The following SYT1 variants were observed in gnomAD, a reference collection of about 807,000 sequenced individuals.
SYT1 encodes synaptotagmin 1.
In SYT1, 8 loss-of-function variants were observed where a neutral mutation model predicts 44.8. The observed-to-expected ratio is 0.18, with a 90% CI of 0.10 to 0.32. SYT1 has a LOEUF of 0.32. Ranked by LOEUF, SYT1 falls within the 10% of genes least tolerant of loss-of-function variation. SYT1 has a pLI of 1.00. For missense variants in SYT1, 286 were observed against 509.3 expected (o/e 0.56, Z 4.22); for synonymous variants, 154 against 188.8 (o/e 0.82, Z 1.51).
At chr12:78,985,376 A>G (rs763857720) in intron 2 of SYT1, among the ~76,000 whole-genome samples, 1 of 151,922 alleles carries the variant, frequency 6.6e-6, no homozygotes, top group Non-Finnish European at 1.5e-5. Context: ...GGGAGAATCT[A>G]AGAAAGAAGA....
chr12:79,275,652 G>A (rs1219133349), intron 4 of SYT1, among the ~76,000 whole-genome samples: 1 of 152,138 alleles, frequency 6.6e-6, no homozygotes, highest in Non-Finnish European at 1.5e-5. Context: ...ATTTCGCTGG[G>A]AGCTCCTCCA....
intron 3 of SYT1, among the ~76,000 whole-genome samples, chr12:79,214,951 G>A (rs868140848): frequency 7.8e-6 from 1 of 128,936 alleles, no homozygotes; most frequent in Non-Finnish European, 1.8e-5. Context: ...ATGTGTGTGT[G>A]TGTGTGTGTG....
chr12:78,974,780 T>A (rs1354035416), intron 1 of SYT1, among the ~76,000 whole-genome samples: 2 of 152,114 alleles, frequency 1.3e-5, no homozygotes, highest in Non-Finnish European at 2.9e-5. Flanking sequence ...TTCCTGAGAA[T>A]AGGTACAAGA....
Position 79,299,690 on chromosome 12 carries a change from G to T in SYT1, c.810+139G>T, listed in dbSNP as rs1018304472. 2.9e-6 allele frequency: 3 copies of T among 1,019,228 alleles called. No homozygotes were observed. In the Admixed American group the frequency reaches 9.0e-5, roughly 30 times the overall value. The allele number at this position is 1,019,228 out of a possible 1,614,324, so 63.1% of individuals were successfully genotyped here. A position where few individuals can be genotyped will look rare whatever the true frequency, so the allele number is the denominator to read the frequency against. ...TGACAGCTGATAAAATAGGGTCAAG[G>T]GCACTGCACCACCTCGTTAAAAAGT... On this transcript the variant is annotated intron_variant, in intron 8 of 10. Coordinates refer to ENST00000261205, the MANE Select transcript of SYT1 (RefSeq NM_005639.3).
intron 9 of SYT1, among the ~76,000 whole-genome samples, chr12:79,377,470 T>C (rs1304040253): frequency 3.3e-5 from 5 of 152,242 alleles, no homozygotes; most frequent in Admixed American, 2.6e-4. Flanking sequence ...TATGTGTTGG[T>C]AATTGTGGCC....
At chr12:79,189,859 G>A (rs770321584) in intron 3 of SYT1, among the ~76,000 whole-genome samples, 39 of 152,236 alleles carry the variant, frequency 2.6e-4, no homozygotes, top group Non-Finnish European at 1.6e-4. Context: ...AGCTGAGATC[G>A]TGCCACTGCA....
At chr12:79,145,083 T>C (rs1156582639) in intron 3 of SYT1, among the ~76,000 whole-genome samples, 1 of 152,218 alleles carries the variant, frequency 6.6e-6, no homozygotes, top group Non-Finnish European at 1.5e-5. Flanking sequence ...TATTGGAATA[T>C]TAATGAGGAT....
chr12:78,932,983 A>C (rs144878197), intron 1 of SYT1, among the ~76,000 whole-genome samples: 61 of 152,312 alleles, frequency 4.0e-4, no homozygotes, highest in African/African-American at 1.4e-3. Context: ...ATATCACCTT[A>C]AGACGTCCAA....
intron 3 of SYT1, among the ~76,000 whole-genome samples, chr12:79,180,538 C>T (rs1393089446): frequency 6.6e-6 from 1 of 151,708 alleles, no homozygotes; most frequent in African/African-American, 2.4e-5. Context: ...GTACAGATAG[C>T]ATAATGCTGG....
At chr12:78,973,758 G>A (rs367858582) in intron 1 of SYT1, among the ~76,000 whole-genome samples, 2 of 149,902 alleles carry the variant, frequency 1.3e-5, no homozygotes, top group African/African-American at 2.5e-5. Context: ...AAAATAATGC[G>A]TTTGTTTACT....
rs115543153 is a variant in SYT1 at position 78,908,022 on chromosome 12, G to C, written c.-217+42913G>C. 1.4e-3 allele frequency among the ~76,000 whole-genome samples: 216 copies of C among 152,086 alleles called. 1 individual carries two copies. Among genetic ancestry groups the C allele is most frequent in the African/African-American group, 5.0e-3 (206 of 41,530 alleles). On this transcript the variant is annotated intron_variant, in intron 1 of 10. Coordinates refer to ENST00000261205, the MANE Select transcript of SYT1 (RefSeq NM_005639.3). ...CAGCAGCCGTGTGATCACACTGAAA[G>C]TATGCAAATTTTGGTTTTGCCTAAA...
intron 1 of SYT1, among the ~76,000 whole-genome samples, chr12:78,879,605 T>A (rs1874349277): frequency 6.6e-6 from 1 of 151,802 alleles, no homozygotes; most frequent in Non-Finnish European, 1.5e-5. Flanking sequence ...ATGTCTCTCA[T>A]TTTTAATCTC....
At chr12:79,173,226 G>C (rs1295509448) in intron 3 of SYT1, among the ~76,000 whole-genome samples, 1 of 151,948 alleles carries the variant, frequency 6.6e-6, no homozygotes, top group Non-Finnish European at 1.5e-5. Flanking sequence ...CTTGAATTGA[G>C]CTTACAATTC....
intron 3 of SYT1, among the ~76,000 whole-genome samples, chr12:79,196,791 T>A (rs1873490655): frequency 6.6e-6 from 1 of 152,190 alleles, no homozygotes; most frequent in South Asian, 2.1e-4. Context: ...AACAATTAGT[T>A]CCAGTTTCTA....
At chr12:79,361,046 C>A (rs566087980) in intron 9 of SYT1, among the ~76,000 whole-genome samples, 1 of 152,236 alleles carries the variant, frequency 6.6e-6, no homozygotes, top group Admixed American at 6.5e-5. Flanking sequence ...CCAAAAACTC[C>A]TAAGTAGATT....
At chr12:79,286,017 T>C (rs993860850) in intron 5 of SYT1, 46 bp downstream of exon 5, 14 of 1,546,246 alleles carry the variant, frequency 9.1e-6, no homozygotes, top group Middle Eastern at 2.3e-4. Flanking sequence ...TTAAAAAAGA[T>C]AAACAAATGT....
At chr12:79,419,117 A>C (rs1182401641) in intron 9 of SYT1, 1 of 376,800 alleles carries the variant, frequency 2.7e-6, no homozygotes, top group Non-Finnish European at 5.2e-6. Flanking sequence ...TATTTTAGGC[A>C]AAACGAAACC....
intron 8 of SYT1, among the ~76,000 whole-genome samples, chr12:79,338,055 C>T (rs922170809): frequency 3.3e-5 from 5 of 152,080 alleles, no homozygotes; most frequent in Admixed American, 2.0e-4. Context: ...TGTCTTTGGA[C>T]GCCATCCCCA....
intron 2 of SYT1, among the ~76,000 whole-genome samples, chr12:79,011,044 TC>T (rs1447678509): frequency 6.6e-6 from 1 of 152,184 alleles, no homozygotes; most frequent in Admixed American, 6.5e-5. Flanking sequence ...GTTGAGAAGT[TC>T]TTACAGAATT....
Sources: gnomAD v4.1 joint callset for allele counts (sites outside exome capture counted in the v4.1 genomes callset) on GRCh38, gnomAD v4.1.1 for gene constraint, MANE v1.5 for transcripts, NCBI Gene and HGNC (gene_info 2026-07-23, HGNC 2026-07-21) for gene names.